AHCYL2: variants seen among roughly 807,000 people sequenced by gnomAD.
The protein encoded by AHCYL2 is adenosylhomocysteinase like 2.
A neutral mutation model predicts 81.4 loss-of-function variants in AHCYL2; 28 were observed. That is an observed-to-expected ratio of 0.34 (90% CI 0.25 to 0.47). The LOEUF (loss-of-function observed/expected upper bound fraction) is 0.47, where lower values mean the gene tolerates loss of function less well. Among genes scored for constraint, AHCYL2 ranks in the 20% least tolerant of loss-of-function variants. The pLI is 1.00. For missense variants in AHCYL2, 551 were observed against 785.1 expected (o/e 0.70, Z 3.56); for synonymous variants, 272 against 290.2 (o/e 0.94, Z 0.64).
chr7:129,302,267 G>T (rs538244308), intron 1 of AHCYL2, among the ~76,000 whole-genome samples: 1 of 152,206 alleles, frequency 6.6e-6, no homozygotes, highest in East Asian at 1.9e-4. Flanking sequence ...TTTTGGTGGC[G>T]TCTTTAGGTT....
chr7:129,400,408 A>G (rs367651937), intron 6 of AHCYL2, 24 bp downstream of exon 6: 3 of 1,606,972 alleles, frequency 1.9e-6, no homozygotes, highest in Non-Finnish European at 2.6e-6. Flanking sequence ...CTGCTAACAC[A>G]ATTCTGTAGG....
intron 1 of AHCYL2, among the ~76,000 whole-genome samples, chr7:129,248,656 A>G (rs1376734898): frequency 1.3e-5 from 2 of 148,958 alleles, no homozygotes; most frequent in African/African-American, 5.0e-5. Flanking sequence ...TTGGGTATCC[A>G]AGTCCTTTGA....
At chr7:129,317,346 G>A (rs1584776521) in intron 1 of AHCYL2, among the ~76,000 whole-genome samples, 1 of 152,186 alleles carries the variant, frequency 6.6e-6, no homozygotes, top group African/African-American at 2.4e-5. Context: ...CCCTGTGTCA[G>A]TGTGGATCCT....
intron 11 of AHCYL2, among the ~76,000 whole-genome samples, chr7:129,412,541 G>A (rs1020643689): frequency 1.3e-5 from 2 of 151,586 alleles, no homozygotes; most frequent in African/African-American, 2.4e-5. Context: ...TCAGCCTCCC[G>A]AAGTGTTAGG....
At chr7:129,382,339 C>T (rs1246774032) in intron 2 of AHCYL2, among the ~76,000 whole-genome samples, 1 of 152,170 alleles carries the variant, frequency 6.6e-6, no homozygotes, top group Non-Finnish European at 1.5e-5. Context: ...GTGGCTCATG[C>T]CTGTAATTCC....
intron 5 of AHCYL2, among the ~76,000 whole-genome samples, chr7:129,399,459 G>A (rs73234751): frequency 0.064 from 9,538 of 148,150 alleles, 466 homozygotes; most frequent in Non-Finnish European, 0.096. Context: ...AAAAAAAAAA[G>A]AAAAGAAAAG....
chr7:129,230,660 C>T (rs1393484913), intron 1 of AHCYL2, among the ~76,000 whole-genome samples: 3 of 150,668 alleles, frequency 2.0e-5, no homozygotes, highest in Admixed American at 1.3e-4. Context: ...GCAACTTCTG[C>T]CTCCCGGGTT....
rs1393772987 is a variant in AHCYL2 at position 129,323,893 on chromosome 7, CAG to C, written c.364-55742_364-55741del. ...TTTAGCTTTTTTTTTTTTTTTTTGA[CAG>C]AGTCTCACTCTTTCGCCCAGGTTGG... On this transcript the variant is annotated intron_variant, in intron 1 of 16. Coordinates refer to ENST00000325006, the MANE Select transcript of AHCYL2 (RefSeq NM_015328.4). 8.6e-5 allele frequency among the ~76,000 whole-genome samples: 10 copies of C among 116,370 alleles called. No homozygotes were observed. The Admixed American group carries it at 1.0e-3, about 12-fold the overall frequency. The allele number at this position is 116,370 out of a possible 152,430, so 76.3% of individuals were successfully genotyped here.
intron 1 of AHCYL2, among the ~76,000 whole-genome samples, chr7:129,350,531 A>T (rs889040256): frequency 6.6e-6 from 1 of 151,486 alleles, no homozygotes. Flanking sequence ...CTACAGGTGC[A>T]TTGTGCCACC....
intron 1 of AHCYL2, among the ~76,000 whole-genome samples, chr7:129,304,051 C>CA (rs1242044661): frequency 6.6e-6 from 1 of 151,690 alleles, no homozygotes; most frequent in African/African-American, 2.4e-5. Flanking sequence ...AAGACTGTCT[C>CA]AAAAAATAAA....
chr7:129,323,873 C>CT (rs369389755), intron 1 of AHCYL2, among the ~76,000 whole-genome samples: 23,392 of 131,072 alleles, frequency 0.18, 2,319 homozygotes, highest in South Asian at 0.29. Context: ...GCCCTTTTAG[C>CT]TTTTTTTTTT....
chr7:129,242,497 C>T (rs1458582967), intron 1 of AHCYL2, among the ~76,000 whole-genome samples: 1 of 152,096 alleles, frequency 6.6e-6, no homozygotes, highest in Non-Finnish European at 1.5e-5. Context: ...GGGGGCGGAT[C>T]ACGAGGTCAG....
rs1166427145 is a variant in AHCYL2, at chr7:129,405,521, A to AT, written c.1142+308_1142+309insT. The AT allele has an allele frequency of 6.6e-4, 235 of 354,524 alleles. 3 individuals are homozygous for AT. Among genetic ancestry groups the AT allele is most frequent in the Non-Finnish European group, 3.3e-4 (67 of 201,858 alleles). 22.0% of individuals were successfully genotyped at this position (354,524 alleles called of 1,614,324 possible). A position where few individuals can be genotyped will look rare whatever the true frequency, so the allele number is the denominator to read the frequency against. On this transcript the variant is annotated intron_variant, in intron 8 of 16. Transcript: ENST00000325006. Reference sequence around the variant, plus strand: ...CACTTGCAAGAAAGGGGAAAAAAAAAGGAAAAAAACCCTTACATATAGGAT... The same window carrying AT: ...CACTTGCAAGAAAGGGGAAAAAAAAATGGAAAAAAACCCTTACATATAGGAT...
chr7:129,403,587 G>C, intron 7 of AHCYL2, 102 bp downstream of exon 7: 1 of 715,530 alleles, frequency 1.4e-6, no homozygotes. Context: ...GCCTGGGCCA[G>C]GCGCGGTGGC....
At chr7:129,357,698 G>A (rs571090860) in intron 1 of AHCYL2, among the ~76,000 whole-genome samples, 189 of 152,290 alleles carry the variant, frequency 1.2e-3, no homozygotes, top group African/African-American at 4.4e-3. Flanking sequence ...ACTTTGGGAC[G>A]CCGAGGTGGG....
Position 129,280,246 on chromosome 7 carries a change from T to C in AHCYL2, c.363+54807T>C, listed in dbSNP as rs924993999. 4.2e-5 allele frequency among the ~76,000 whole-genome samples: 6 copies of C among 142,480 alleles called. 1 individual carries two copies. Among genetic ancestry groups the C allele is most frequent in the African/African-American group, 1.5e-4 (6 of 38,942 alleles). The allele number at this position is 142,480 out of a possible 152,430, so 93.5% of individuals were successfully genotyped here. A position where few individuals can be genotyped will look rare whatever the true frequency, so the allele number is the denominator to read the frequency against. On this transcript the variant is annotated intron_variant, in intron 1 of 16. Transcript: ENST00000325006. ...GTACAGTGGCACGATCTCGGCTCACTGCAACCTCTGCCTCCTTTGTTCAAG... is the reference window on the plus strand; with the variant it reads ...GTACAGTGGCACGATCTCGGCTCACCGCAACCTCTGCCTCCTTTGTTCAAG...
At chr7:129,411,060 C>T (rs1237504880) in intron 11 of AHCYL2, among the ~76,000 whole-genome samples, 1 of 151,956 alleles carries the variant, frequency 6.6e-6, no homozygotes, top group East Asian at 1.9e-4. Context: ...CCACCCTGCC[C>T]AGCCTGGACC....
At chr7:129,378,078 C>T (rs1794774589) in intron 1 of AHCYL2, among the ~76,000 whole-genome samples, 1 of 152,124 alleles carries the variant, frequency 6.6e-6, no homozygotes, top group Non-Finnish European at 1.5e-5. Flanking sequence ...CTTTGGGAGG[C>T]CAAGGCAGGT....
intron 12 of AHCYL2, among the ~76,000 whole-genome samples, chr7:129,422,216 C>A (rs141581875): frequency 3.7e-4 from 56 of 152,326 alleles, no homozygotes; most frequent in Non-Finnish European, 7.3e-4. Context: ...TTAAGCATTT[C>A]TTTAAAGGCT....
Sources: gnomAD v4.1 joint callset for allele counts (sites outside exome capture counted in the v4.1 genomes callset) on GRCh38, gnomAD v4.1.1 for gene constraint, MANE v1.5 for transcripts, NCBI Gene and HGNC (gene_info 2026-07-23, HGNC 2026-07-21) for gene names.